Variants in IQGAP1 observed in about 807,000 individuals in gnomAD.
The protein encoded by IQGAP1 is ras GTPase-activating-like protein IQGAP1.
Under a neutral mutation model 215.6 loss-of-function variants are expected in IQGAP1, and 66 were observed. That is an observed-to-expected ratio of 0.31 (90% CI 0.25 to 0.38). The LOEUF is 0.38. IQGAP1 is among the 10% of genes least tolerant of loss of function. IQGAP1 has a pLI of 1.00. For synonymous variants in IQGAP1, 772 were observed against 728.7 expected (o/e 1.06, Z -0.96); for missense variants, 1,712 against 1,997.1 (o/e 0.86, Z 2.72).
Position 90,466,158 on chromosome 15 carries a change from G to C in IQGAP1, c.1867+67G>C, listed in dbSNP as rs182999579. 2.5e-6 allele frequency: 4 copies of C among 1,577,238 alleles called. No individual in the cohort carries two copies. The African/African-American group carries it at 4.0e-5, about 16-fold the overall frequency. ...GGTGACAAGGTGCTCCGTACAGCTTGACCAAGATAGGTATGGGGGAACAAT... is the reference window on the plus strand; with the variant it reads ...GGTGACAAGGTGCTCCGTACAGCTTCACCAAGATAGGTATGGGGGAACAAT... On this transcript the variant is annotated intron_variant, in intron 16 of 37. Transcript: ENST00000268182.
At chr15:90,458,713 C>G (rs1304539952) in intron 15 of IQGAP1, among the ~76,000 whole-genome samples, 1 of 152,166 alleles carries the variant, frequency 6.6e-6, no homozygotes, top group African/African-American at 2.4e-5. Flanking sequence ...TCTAGCTTCC[C>G]TAGAGCCAAC....
Position 90,492,011 on chromosome 15 carries a change from A to C in IQGAP1, c.4461+466A>C, listed in dbSNP as rs116766470. 5.5e-3 allele frequency among the ~76,000 whole-genome samples: 833 copies of C among 152,256 alleles called. 4 individuals are homozygous for C. Among genetic ancestry groups the C allele is most frequent in the African/African-American group, 0.019 (798 of 41,530 alleles). ...TAGTTCTCTTTTTCTCCCTTTCCCA[A>C]CAAAATATTTAAGAGGTCCAAACCA... On this transcript the variant is annotated intron_variant, in intron 34 of 37. Coordinates refer to ENST00000268182, the MANE Select transcript of IQGAP1 (RefSeq NM_003870.4).
At chr15:90,470,644 A>AG (rs1226899983) in intron 18 of IQGAP1, among the ~76,000 whole-genome samples, 4 of 152,134 alleles carry the variant, frequency 2.6e-5, no homozygotes, top group African/African-American at 9.7e-5. Flanking sequence ...GGGCCTTGAA[A>AG]GTTAGTCTAC....
intron 4 of IQGAP1, among the ~76,000 whole-genome samples, chr15:90,432,668 CTTTA>C (rs373627109): frequency 2.8e-4 from 42 of 152,206 alleles, no homozygotes; most frequent in African/African-American, 9.9e-4. Flanking sequence ...ATTATTTTTG[CTTTA>C]TTTATTCTGG....
intron 2 of IQGAP1, among the ~76,000 whole-genome samples, chr15:90,418,562 C>T (rs1437147132): frequency 6.6e-6 from 1 of 151,670 alleles, no homozygotes; most frequent in Non-Finnish European, 1.5e-5. Context: ...GAACTCCAGA[C>T]TGGGTGGCAG....
At chr15:90,422,640 G>GTATATGTATATATA (rs1386181905) in intron 2 of IQGAP1, among the ~76,000 whole-genome samples, 1 of 61,556 alleles carries the variant, frequency 1.6e-5, no homozygotes, top group Non-Finnish European at 3.0e-5. Flanking sequence ...ATATATATAT[G>GTATATGTATATATA]TATATGTATA....
intron 2 of IQGAP1, among the ~76,000 whole-genome samples, chr15:90,392,745 TA>T (rs1964652558): frequency 2.3e-5 from 3 of 129,810 alleles, no homozygotes; most frequent in Non-Finnish European, 4.7e-5. Flanking sequence ...AGAATGTTTC[TA>T]TCTTTTTTTT....
In IQGAP1 at chr15:90,474,150, G is replaced by A. The variant is rs117797844; in HGVS notation, c.2575+17G>A. 3.1e-4 allele frequency: 493 copies of A among 1,597,932 alleles called. No individual in the cohort carries two copies. In the African/African-American group the frequency reaches 3.1e-3, roughly 10 times the overall value. On this transcript the variant is annotated intron_variant, in intron 22 of 37. Transcript: ENST00000268182. ...AGACTCTCAGTGAGTAACTGGCTCC[G>A]CATGAAGAGTTGAGGCAGTGGCTGG...
chr15:90,471,255 G>C (rs1247163145), intron 18 of IQGAP1, among the ~76,000 whole-genome samples: 1 of 152,092 alleles, frequency 6.6e-6, no homozygotes, highest in Admixed American at 6.6e-5. Flanking sequence ...TCTGTCCCAG[G>C]ATCCTTCATC....
intron 1 of IQGAP1, among the ~76,000 whole-genome samples, chr15:90,389,807 AT>A (rs1193616510): frequency 6.6e-6 from 1 of 150,830 alleles, no homozygotes; most frequent in South Asian, 2.1e-4. Context: ...AAAAAAAAAA[AT>A]TAGCCAGGCG....
chr15:90,411,761 A>G (rs1964969080), intron 2 of IQGAP1, among the ~76,000 whole-genome samples: 1 of 152,190 alleles, frequency 6.6e-6, no homozygotes, highest in Non-Finnish European at 1.5e-5. Flanking sequence ...ATTTAAGATT[A>G]AAAGGTCTTT....
At chr15:90,474,344 A>G in intron 22 of IQGAP1, 141 bp from the exon 23 acceptor site, 2 of 791,772 alleles carry the variant, frequency 2.5e-6, no homozygotes, top group South Asian at 1.6e-5. Flanking sequence ...AGCCTGACAC[A>G]GAAGACTGCA....
intron 2 of IQGAP1, among the ~76,000 whole-genome samples, chr15:90,420,730 T>G (rs1965121308): frequency 6.6e-6 from 1 of 152,158 alleles, no homozygotes; most frequent in African/African-American, 2.4e-5. Context: ...GTGCATAGAT[T>G]GATTGATTTT....
intron 2 of IQGAP1, among the ~76,000 whole-genome samples, chr15:90,407,930 G>A (rs533689133): frequency 1.1e-3 from 167 of 152,352 alleles, no homozygotes; most frequent in African/African-American, 3.8e-3. Context: ...CAACATCAGA[G>A]AATGAGAGGT....
chr15:90,422,284 G>T (rs553551785), intron 2 of IQGAP1, among the ~76,000 whole-genome samples: 1 of 152,206 alleles, frequency 6.6e-6, no homozygotes, highest in African/African-American at 2.4e-5. Context: ...TTGTAAATGG[G>T]AGGAAGTGCA....
At chr15:90,393,129 A>G (rs980107033) in intron 2 of IQGAP1, among the ~76,000 whole-genome samples, 2 of 150,722 alleles carry the variant, frequency 1.3e-5, no homozygotes, top group Non-Finnish European at 2.9e-5. Context: ...AAATACACCT[A>G]TCTGGGCCCT....
chr15:90,465,602 C>T (rs190943759), intron 15 of IQGAP1, among the ~76,000 whole-genome samples: 3 of 152,270 alleles, frequency 2.0e-5, no homozygotes, highest in African/African-American at 4.8e-5. Flanking sequence ...CTCCTGGGCT[C>T]AAGCAATCCT....
intron 23 of IQGAP1, among the ~76,000 whole-genome samples, chr15:90,475,114 T>G (rs1965961201): frequency 1.4e-5 from 2 of 147,044 alleles, no homozygotes; most frequent in East Asian, 4.5e-4. Context: ...TTCTCCTGCC[T>G]CAGCCTCCCA....
intron 2 of IQGAP1, among the ~76,000 whole-genome samples, chr15:90,410,122 T>C (rs1964937762): frequency 6.6e-6 from 1 of 152,240 alleles, no homozygotes; most frequent in Non-Finnish European, 1.5e-5. Context: ...TGATGGTAGT[T>C]TCTTTTGCTG....
Sources: allele counts gnomAD v4.1 joint callset (sites outside exome capture counted in the v4.1 genomes callset), GRCh38; gene constraint gnomAD v4.1.1; transcripts MANE v1.5; gene names NCBI Gene and HGNC (gene_info 2026-07-23, HGNC 2026-07-21).